The following CYP19A1 variants were observed in gnomAD, a reference collection of about 807,000 sequenced individuals.
The protein encoded by CYP19A1 is aromatase.
A neutral mutation model predicts 44.4 loss-of-function variants in CYP19A1; 32 were observed. The ratio of observed to expected loss-of-function variants is 0.72; its 90% CI spans 0.54 to 0.97. The LOEUF (loss-of-function observed/expected upper bound fraction) is 0.97, where lower values mean the gene tolerates loss of function less well. CYP19A1 is among the 50% of genes least tolerant of loss of function. The pLI is 0.00. For missense variants in CYP19A1, 598 were observed against 637.8 expected, an observed-to-expected ratio of 0.94 and a Z score of 0.67; for synonymous variants, 212 against 215.6, an observed-to-expected ratio of 0.98 and a Z score of 0.14.
chr15:51,242,762 A>T lies in CYP19A1; in HGVS notation c.145+6T>A. 1 of 1,522,542 alleles carries T rather than the reference A, an allele frequency of 6.6e-7. No homozygotes were observed. The highest frequency in any genetic ancestry group is 1.1e-5 in the South Asian group (1 of 89,158). 94.3% of individuals were successfully genotyped at this position (1,522,542 alleles called of 1,614,324 possible). A position where few individuals can be genotyped will look rare whatever the true frequency, so the allele number is the denominator to read the frequency against. On this transcript the variant is annotated splice_donor_region_variant and intron_variant, in intron 2 of 9. Coordinates refer to ENST00000396402, the MANE Select transcript of CYP19A1 (RefSeq NM_000103.4). ...CCTTAGATACAGAAATAAATGACTGACTTACCTGGTATTGAGGATGTGCCC... is the reference window on the plus strand; with the variant it reads ...CCTTAGATACAGAAATAAATGACTGTCTTACCTGGTATTGAGGATGTGCCC...
chr15:51,329,220 C>T (rs1036485489), intron 1 of CYP19A1, among the ~76,000 whole-genome samples: 1 of 152,082 alleles, frequency 6.6e-6, no homozygotes, highest in Admixed American at 6.5e-5. Flanking sequence ...TCTGGGATGC[C>T]GAGCTCTTGG....
intron 5 of CYP19A1, among the ~76,000 whole-genome samples, chr15:51,220,234 C>A (rs2031956593): frequency 6.6e-6 from 1 of 152,202 alleles, no homozygotes; most frequent in Middle Eastern, 3.2e-3. Flanking sequence ...TCTAACCACC[C>A]TCTCCATGAC....
intron 1 of CYP19A1, among the ~76,000 whole-genome samples, chr15:51,316,742 G>T (rs142753079): frequency 2.8e-4 from 42 of 151,576 alleles, no homozygotes; most frequent in African/African-American, 9.7e-4. Flanking sequence ...AGAAAGAAAA[G>T]AAAGAAAGAA....
chr15:51,268,693 C>G (rs2035019805), intron 1 of CYP19A1, among the ~76,000 whole-genome samples: 1 of 152,198 alleles, frequency 6.6e-6, no homozygotes, highest in Non-Finnish European at 1.5e-5. Context: ...CGAGGTTCCA[C>G]TGCATTCCCA....
chr15:51,224,045 T>C (rs2032364575), intron 4 of CYP19A1, among the ~76,000 whole-genome samples: 1 of 152,208 alleles, frequency 6.6e-6, no homozygotes, highest in Non-Finnish European at 1.5e-5. Context: ...CTAAAAAGTA[T>C]TGACTCTATC....
intron 1 of CYP19A1, among the ~76,000 whole-genome samples, chr15:51,291,355 C>T (rs778851007): frequency 3.2e-4 from 48 of 151,680 alleles, no homozygotes; most frequent in Admixed American, 2.0e-3. Flanking sequence ...AGGAGGAGAA[C>T]GTACATTATT....
In CYP19A1 at chr15:51,306,851, G is replaced by A. The variant is rs77512268; in HGVS notation, c.-39+31644C>T. Among the ~76,000 whole-genome samples the A allele has an allele frequency of 9.1e-3, 1,386 of 152,304 alleles. 25 individuals are homozygous for A. The highest frequency in any genetic ancestry group is 0.032 in the African/African-American group (1,343 of 41,562). On this transcript the variant is annotated intron_variant, in intron 1 of 9. Coordinates refer to ENST00000396402, the MANE Select transcript of CYP19A1 (RefSeq NM_000103.4). ...CTAGAGTCCAGGCAACCAGACTTAAGCCCTTCTTGGAAGGAAGGATGACTG... is the reference window on the plus strand; with the variant it reads ...CTAGAGTCCAGGCAACCAGACTTAAACCCTTCTTGGAAGGAAGGATGACTG...
At chr15:51,308,913 A>C (rs1263205667) in intron 1 of CYP19A1, among the ~76,000 whole-genome samples, 1 of 152,212 alleles carries the variant, frequency 6.6e-6, no homozygotes, top group Non-Finnish European at 1.5e-5. Context: ...TGTGCTCGCT[A>C]AATGGCTGAA....
chr15:51,303,753 C>A (rs886159778), intron 1 of CYP19A1, among the ~76,000 whole-genome samples: 6 of 152,176 alleles, frequency 3.9e-5, no homozygotes, highest in Non-Finnish European at 7.3e-5. Flanking sequence ...TGGCAGGAGG[C>A]AGTGAGAGGG....
intron 4 of CYP19A1, among the ~76,000 whole-genome samples, chr15:51,223,962 T>C (rs1037295411): frequency 6.6e-6 from 1 of 152,148 alleles, no homozygotes; most frequent in Non-Finnish European, 1.5e-5. Context: ...ATGCCAAATT[T>C]ATGGGCAAAA....
At chr15:51,327,492 CT>C (rs749237607) in intron 1 of CYP19A1, among the ~76,000 whole-genome samples, 414 of 143,334 alleles carry the variant, frequency 2.9e-3, no homozygotes, top group Middle Eastern at 7.2e-3. Flanking sequence ...TGACATTGTT[CT>C]TTTTTTTTTT....
intron 1 of CYP19A1, among the ~76,000 whole-genome samples, chr15:51,256,756 C>T (rs1406563628): frequency 6.6e-6 from 1 of 152,182 alleles, no homozygotes; most frequent in Non-Finnish European, 1.5e-5. Context: ...AAGGCAAACA[C>T]ATGTTTGCTC....
chr15:51,234,165 T>C (rs1466918402), intron 3 of CYP19A1, among the ~76,000 whole-genome samples: 2 of 152,146 alleles, frequency 1.3e-5, no homozygotes, highest in African/African-American at 4.8e-5. Context: ...CGGGGAGTGC[T>C]GGAAGGGACT....
intron 1 of CYP19A1, among the ~76,000 whole-genome samples, chr15:51,306,648 A>T (rs1343063466): frequency 6.6e-6 from 1 of 152,268 alleles, no homozygotes; most frequent in Non-Finnish European, 1.5e-5. Flanking sequence ...TAGTAAATTA[A>T]ATAATAGAAT....
chr15:51,220,958 T>A (rs2032019734), intron 5 of CYP19A1, among the ~76,000 whole-genome samples: 1 of 150,940 alleles, frequency 6.6e-6, no homozygotes, highest in Non-Finnish European at 1.5e-5. Flanking sequence ...TTGGTGGTGG[T>A]AGAGTTGCAT....
intron 1 of CYP19A1, among the ~76,000 whole-genome samples, chr15:51,294,876 G>A (rs1000154481): frequency 8.6e-5 from 13 of 152,022 alleles, no homozygotes; most frequent in African/African-American, 2.9e-4. Context: ...TTGTGGAATA[G>A]AAAAGGGGGA....
intron 1 of CYP19A1, among the ~76,000 whole-genome samples, chr15:51,296,441 C>T (rs1425134711): frequency 6.6e-6 from 1 of 152,182 alleles, no homozygotes; most frequent in Non-Finnish European, 1.5e-5. Flanking sequence ...CTAAAAAGAA[C>T]AGACAGGCAG....
At chr15:51,287,829 A>G (rs1436326859) in intron 1 of CYP19A1, among the ~76,000 whole-genome samples, 2 of 152,252 alleles carry the variant, frequency 1.3e-5, no homozygotes, top group Non-Finnish European at 2.9e-5. Flanking sequence ...TTTATTGGCA[A>G]CTAAAGTCTA....
At chr15:51,301,505 C>G (rs2036112628) in intron 1 of CYP19A1, among the ~76,000 whole-genome samples, 1 of 152,220 alleles carries the variant, frequency 6.6e-6, no homozygotes, top group South Asian at 2.1e-4. Context: ...TGCTTTTCCC[C>G]TCCCAAGGGG....
Sources: allele counts gnomAD v4.1 joint callset (sites outside exome capture counted in the v4.1 genomes callset), GRCh38; gene constraint gnomAD v4.1.1; transcripts MANE v1.5; gene names NCBI Gene and HGNC (gene_info 2026-07-23, HGNC 2026-07-21).